Variants in EPSTI1 observed in about 807,000 individuals in gnomAD.
EPSTI1 encodes the protein epithelial stromal interaction 1.
EPSTI1 carries 66 observed loss-of-function variants against 49.9 expected under a neutral mutation model. The ratio of observed to expected loss-of-function variants is 1.32; its 90% CI spans 1.08 to 1.62. The LOEUF (loss-of-function observed/expected upper bound fraction) is 1.62. Ranked by LOEUF, EPSTI1 falls within the 40% of genes most tolerant of loss-of-function variation. The probability of loss-of-function intolerance (pLI) is 0.00; values close to 1 mark genes in which losing one functional copy is unlikely to be tolerated. For synonymous variants in EPSTI1, 137 were observed against 130.7 expected (o/e 1.05, Z -0.33); for missense variants, 394 against 365.5 (o/e 1.08, Z -0.64).
At chr13:42,927,574 G>A (rs753402624) in intron 6 of EPSTI1, among the ~76,000 whole-genome samples, 1 of 152,200 alleles carries the variant, frequency 6.6e-6, no homozygotes, top group Non-Finnish European at 1.5e-5. Context: ...ATGGCATCCA[G>A]TGTAGGAGCA....
chr13:42,933,557 C>T (rs905520873), intron 6 of EPSTI1, among the ~76,000 whole-genome samples: 5 of 152,216 alleles, frequency 3.3e-5, no homozygotes, highest in African/African-American at 1.2e-4. Context: ...ACAGAATACA[C>T]CATCCTCTTT....
chr13:42,914,281 C>A (rs2037767231), intron 8 of EPSTI1, among the ~76,000 whole-genome samples: 1 of 152,110 alleles, frequency 6.6e-6, no homozygotes, highest in African/African-American at 2.4e-5. Context: ...GAGCTGGAAC[C>A]TTGTCTATCC....
chr13:42,962,211 C>T (rs144521126), intron 5 of EPSTI1, among the ~76,000 whole-genome samples: 30 of 152,228 alleles, frequency 2.0e-4, no homozygotes, highest in East Asian at 1.5e-3. Context: ...TTATGCTCCT[C>T]GAGCTTTTAT....
At chr13:42,949,405 T>A (rs2039025288) in intron 6 of EPSTI1, among the ~76,000 whole-genome samples, 1 of 151,938 alleles carries the variant, frequency 6.6e-6, no homozygotes, top group Non-Finnish European at 1.5e-5. Flanking sequence ...GCCTGGCCAA[T>A]ATGGTGAAAC....
intron 6 of EPSTI1, chr13:42,934,731 G>A (rs574718238): frequency 5.6e-5 from 10 of 180,180 alleles, no homozygotes; most frequent in South Asian, 1.4e-4. Flanking sequence ...GTGGTACAGA[G>A]GTGACTGGGC....
intron 6 of EPSTI1, among the ~76,000 whole-genome samples, chr13:42,928,914 A>G (rs2038273174): frequency 6.6e-6 from 1 of 152,218 alleles, no homozygotes; most frequent in South Asian, 2.1e-4. Flanking sequence ...TGGCTGGAAC[A>G]GAGACAGCCC....
chr13:42,956,283 G>A (rs938725400), intron 5 of EPSTI1, among the ~76,000 whole-genome samples: 2 of 152,164 alleles, frequency 1.3e-5, no homozygotes, highest in Admixed American at 1.3e-4. Context: ...CATGTTATGA[G>A]GGTGCTTCTT....
At chr13:42,948,569 TG>T (rs1483779023) in intron 6 of EPSTI1, among the ~76,000 whole-genome samples, 4 of 151,844 alleles carry the variant, frequency 2.6e-5, no homozygotes, top group Admixed American at 2.6e-4. Flanking sequence ...CTCAAATTCC[TG>T]GGCTTAAGAG....
intron 1 of EPSTI1, among the ~76,000 whole-genome samples, chr13:42,986,471 G>A (rs1026442935): frequency 1.3e-5 from 2 of 152,152 alleles, no homozygotes; most frequent in African/African-American, 2.4e-5. Context: ...CTGGCCGGGA[G>A]CAGTGGCTCA....
chr13:42,926,575 G>A (rs1039224805), intron 6 of EPSTI1, 146 bp from the exon 7 acceptor site: 6 of 651,338 alleles, frequency 9.2e-6, no homozygotes, highest in African/African-American at 5.4e-5. Context: ...AGAACAAGGT[G>A]TAGCAGAAAT....
intron 1 of EPSTI1, among the ~76,000 whole-genome samples, chr13:42,983,678 T>C (rs2040029287): frequency 6.6e-6 from 1 of 151,742 alleles, no homozygotes; most frequent in Non-Finnish European, 1.5e-5. Context: ...ATTTGGTAGA[T>C]AGACATAGGT....
intron 8 of EPSTI1, among the ~76,000 whole-genome samples, chr13:42,912,656 G>A (rs1297827621): frequency 6.6e-6 from 1 of 152,078 alleles, no homozygotes; most frequent in Non-Finnish European, 1.5e-5. Context: ...TAAATAAGAT[G>A]AGATGAGAAA....
chr13:42,908,659 A>G (rs1293613355), intron 8 of EPSTI1, among the ~76,000 whole-genome samples: 1 of 152,158 alleles, frequency 6.6e-6, no homozygotes, highest in Admixed American at 6.5e-5. Flanking sequence ...CAATCAGCAG[A>G]CTAAAGAGAC....
intron 6 of EPSTI1, among the ~76,000 whole-genome samples, chr13:42,929,168 T>C (rs149392145): frequency 1.3e-5 from 2 of 152,358 alleles, no homozygotes; most frequent in East Asian, 3.9e-4. Flanking sequence ...AGTGTTATTA[T>C]AAACTGATTT....
chr13:42,990,881 G>A (rs1382356775), intron 1 of EPSTI1, among the ~76,000 whole-genome samples: 4 of 152,178 alleles, frequency 2.6e-5, no homozygotes, highest in Non-Finnish European at 4.4e-5. Flanking sequence ...AATTCACAGA[G>A]GCAGCACTTC....
chr13:42,914,127 T>C (rs186509856), intron 8 of EPSTI1, among the ~76,000 whole-genome samples: 179 of 152,338 alleles, frequency 1.2e-3, no homozygotes, highest in African/African-American at 4.1e-3. Flanking sequence ...TAGTTATTTA[T>C]AGTAATGAGA....
At chr13:42,935,368 T>C (rs2038524674) in intron 6 of EPSTI1, among the ~76,000 whole-genome samples, 1 of 152,170 alleles carries the variant, frequency 6.6e-6, no homozygotes, top group South Asian at 2.1e-4. Flanking sequence ...ATCATATATG[T>C]CTGTAAAAAT....
At chr13:42,935,112 T>G (rs2038515949) in intron 6 of EPSTI1, among the ~76,000 whole-genome samples, 1 of 152,094 alleles carries the variant, frequency 6.6e-6, no homozygotes, top group Non-Finnish European at 1.5e-5. Context: ...TGAATAAATG[T>G]CCTCTCTCCA....
intron 6 of EPSTI1, among the ~76,000 whole-genome samples, chr13:42,931,703 A>T (rs543277185): frequency 7.3e-4 from 111 of 152,320 alleles, no homozygotes; most frequent in African/African-American, 2.6e-3. Flanking sequence ...TTTGTTCTGA[A>T]AATAGATTTT....
Sources: gnomAD v4.1 joint callset for allele counts (sites outside exome capture counted in the v4.1 genomes callset) on GRCh38, gnomAD v4.1.1 for gene constraint, MANE v1.5 for transcripts, NCBI Gene and HGNC (gene_info 2026-07-23, HGNC 2026-07-21) for gene names.